PEX19: variants seen among roughly 807,000 people sequenced by gnomAD.
PEX19 encodes the protein 33 kDa housekeeping protein.
PEX19 carries 29 observed loss-of-function variants against 36.3 expected under a neutral mutation model. The ratio of observed to expected loss-of-function variants is 0.80; its 90% confidence interval spans 0.60 to 1.09. PEX19 has a LOEUF of 1.09. Among genes scored for constraint, PEX19 ranks in the 50% least tolerant of loss-of-function variants. The pLI is 0.00. For missense variants in PEX19, 396 were observed against 368.1 expected (o/e 1.08, Z -0.62); for synonymous variants, 141 against 135.2 (o/e 1.04, Z -0.30).
chr1:160,281,891 C>T (rs1657784139), intron 5 of PEX19, 148 bp downstream of exon 5: 1 of 715,286 alleles, frequency 1.4e-6, no homozygotes, highest in Non-Finnish European at 2.5e-6. Flanking sequence ...TCTCCCCAAC[C>T]CCCAACTCTC....
chr1:160,279,759 TG>T (rs759915809), intron 7 of PEX19, 41 bp downstream of exon 7: 2 of 1,588,070 alleles, frequency 1.3e-6, no homozygotes, highest in African/African-American at 2.7e-5. Flanking sequence ...TTCTGGAAAT[TG>T]GGGACTCAAA....
At chr1:160,282,867 T>C in intron 3 of PEX19, 77 bp downstream of exon 3, 1 of 1,484,958 alleles carries the variant, frequency 6.7e-7, no homozygotes, top group Non-Finnish European at 9.4e-7. Flanking sequence ...TCAACTTCAC[T>C]AAGAATTCTG....
intron 6 of PEX19, 24 bp from the exon 7 acceptor site, chr1:160,279,869 A>G (rs142124397): frequency 1.2e-6 from 2 of 1,602,110 alleles, no homozygotes; most frequent in African/African-American, 2.7e-5. Flanking sequence ...AAAATGGAAC[A>G]TGAAATAGAG....
chr1:160,283,075 T>C lies in PEX19; in HGVS notation c.215A>G (p.Gln72Arg), dbSNP rs543271441. ...AGCCAGTTCACTGTCGAATAGTTCC[T>C]GGAAAAACTTCTCTTGGGAAGCGAA... Reference protein sequence around the residue: ...ALFASQEKFFQELFDSELASQ... With the variant: ...ALFASQEKFFRELFDSELASQ... The change falls in exon 3 of 8, where the codon CAG (glutamine) becomes CGG (arginine). Residue 72 changes from glutamine (Q) to arginine (R), a missense_variant. By Grantham distance (43) the Gln-to-Arg change is conservative (BLOSUM62 1). Coordinates refer to ENST00000368072, the MANE Select transcript of PEX19 (RefSeq NM_002857.4). 114 of 1,614,032 alleles carry C rather than the reference T, an allele frequency of 7.1e-5. No individual in the cohort carries two copies. The South Asian group carries it at 8.7e-4, about 12-fold the overall frequency.
At chr1:160,281,962 C>G in intron 5 of PEX19, 77 bp downstream of exon 5, 2 of 1,257,882 alleles carry the variant, frequency 1.6e-6, no homozygotes, top group South Asian at 2.4e-5. Context: ...TCTGCAGGCT[C>G]TGAGTAGACA....
chr1:160,280,514 GT>G lies in PEX19; in HGVS notation c.595-269del, dbSNP rs374466910. 1.5e-4 allele frequency among the ~76,000 whole-genome samples: 22 copies of G among 148,428 alleles called. No homozygotes were observed. In the South Asian group the frequency reaches 3.2e-3, roughly 22 times the overall value. On this transcript the variant is annotated intron_variant, in intron 5 of 7. Coordinates refer to ENST00000368072, the MANE Select transcript of PEX19 (RefSeq NM_002857.4). Reference sequence around the variant, plus strand: ...AAGGGCCACATATGGTCTCTATTGTGTTTTTTTTTTCTTTTTTTTCGAGACA... The same window carrying G: ...AAGGGCCACATATGGTCTCTATTGTGTTTTTTTTTCTTTTTTTTCGAGACA...
At position 160,277,611 on chromosome 1, in the gene PEX19, T is replaced by TA. The variant is rs1332748647; in HGVS notation, c.*1939dup. 1 of 454,190 alleles carries TA rather than the reference T, an allele frequency of 2.2e-6. No individual in the cohort carries two copies. Among genetic ancestry groups the TA allele is most frequent in the Non-Finnish European group, 4.4e-6 (1 of 226,842 alleles). The allele number at this position is 454,190 out of a possible 1,614,324, so 28.1% of individuals were successfully genotyped here. ...AAAATGAGTGCCTTGGGAACAAAGATAAAGTGGACTAGGGCATCTATTTAG... is the reference window on the plus strand; with the variant it reads ...AAAATGAGTGCCTTGGGAACAAAGATAAAAGTGGACTAGGGCATCTATTTAG... On this transcript the variant is annotated 3_prime_UTR_variant, in exon 8 of 8. Transcript: ENST00000368072.
chr1:160,281,947 C>T lies in PEX19; in HGVS notation c.594+92G>A. 3.7e-6 allele frequency: 4 copies of T among 1,091,810 alleles called. No homozygotes were observed. The East Asian group carries it at 7.4e-5, about 20-fold the overall frequency. The allele number at this position is 1,091,810 out of a possible 1,614,324, so 67.6% of individuals were successfully genotyped here. A position where few individuals can be genotyped will look rare whatever the true frequency, so the allele number is the denominator to read the frequency against. On this transcript the variant is annotated intron_variant, in intron 5 of 7. Coordinates refer to ENST00000368072, the MANE Select transcript of PEX19 (RefSeq NM_002857.4). ...AAGGAAAAAAAGCACACTCGAGTTA[C>T]TCTTTCTGCAGGCTCTGAGTAGACA...
rs1206616169 is a variant in PEX19 at position 160,277,900 on chromosome 1, T to C, written c.*1651A>G. 3 of 676,294 alleles carry C rather than the reference T, an allele frequency of 4.4e-6. No individual in the cohort carries two copies. Among genetic ancestry groups the C allele is most frequent in the Admixed American group, 4.1e-5 (2 of 49,296 alleles). The allele number at this position is 676,294 out of a possible 1,614,324, so 41.9% of individuals were successfully genotyped here. A position where few individuals can be genotyped will look rare whatever the true frequency, so the allele number is the denominator to read the frequency against. On this transcript the variant is annotated 3_prime_UTR_variant, in exon 8 of 8. Transcript: ENST00000368072. ...TTCAGATCTGGGCTCTTCCATGCTC[T>C]GGTAAGGTATAGGAGTTGGAATTTC... is the stretch of plus-strand genomic sequence containing the variant.
At position 160,279,608 on chromosome 1, in the gene PEX19, A is replaced by T; in HGVS notation, c.843T>A (p.Asp281Glu). The change falls in exon 8 of 8, where the codon GAT (aspartate) becomes GAA (glutamate). Residue 281 changes from aspartate (D) to glutamate (E), a missense_variant. Physicochemically the swap from Asp to Glu is conservative, Grantham distance 45. Coordinates refer to ENST00000368072, the MANE Select transcript of PEX19 (RefSeq NM_002857.4). ...CTGGTGGGCCCGAAAGATTGAGGGC[A>T]TCCAGGTCAAAGTTGAGGCCAGGAG... ...EMPPGLNFDL[D>E]ALNLSGPPGA... is the part of the protein sequence containing the mutation. The T allele has an allele frequency of 1.2e-6, 2 of 1,614,198 alleles. No individual in the cohort carries two copies. The highest frequency in any genetic ancestry group is 1.7e-6 in the Non-Finnish European group (2 of 1,179,996).
chr1:160,283,230 G>A (rs968707629), intron 2 of PEX19, 121 bp from the exon 3 acceptor site: 1 of 1,092,872 alleles, frequency 9.2e-7, no homozygotes, highest in African/African-American at 1.5e-5. Context: ...AATTCCACTG[G>A]ACATTCTAAC....
rs952114248 is a variant in PEX19 at position 160,279,968 on chromosome 1, C to T, written c.771+102G>A. On this transcript the variant is annotated intron_variant, in intron 6 of 7. Transcript: ENST00000368072. ...CTGAGAGAGATCACAAGAGAGGATCCCTCCTCCACCTAGGTCTAGCAGTAT... is the reference window on the plus strand; with the variant it reads ...CTGAGAGAGATCACAAGAGAGGATCTCTCCTCCACCTAGGTCTAGCAGTAT... The T allele has an allele frequency of 1.6e-5, 22 of 1,359,028 alleles. No individual in the cohort carries two copies. In the African/African-American group the frequency reaches 2.4e-4, roughly 15 times the overall value. 84.2% of individuals were successfully genotyped at this position (1,359,028 alleles called of 1,614,324 possible).
In PEX19 at chr1:160,278,360, T is replaced by A. The variant is rs1363911044; in HGVS notation, c.*1191A>T. ...CTCCTTTGCCAACTGAGGTGCAGAC[T>A]GAGTTGTGGAAGGTGGGTGTTGATG... On this transcript the variant is annotated 3_prime_UTR_variant, in exon 8 of 8. Transcript: ENST00000368072. 2 of 685,172 alleles carry A rather than the reference T, an allele frequency of 2.9e-6. No individual in the cohort carries two copies. Among genetic ancestry groups the A allele is most frequent in the Non-Finnish European group, 5.3e-6 (2 of 376,042 alleles). The allele number at this position is 685,172 out of a possible 1,614,324, so 42.4% of individuals were successfully genotyped here.
chr1:160,279,955 A>T, intron 6 of PEX19, 110 bp from the exon 7 acceptor site: 1 of 1,359,022 alleles, frequency 7.4e-7, no homozygotes, highest in Non-Finnish European at 1.1e-6. Flanking sequence ...GAGAGAGATC[A>T]CAAGAGAGGA....
Position 160,283,572 on chromosome 1 carries a change from A to C in PEX19, c.138T>G (p.Asp46Glu), listed in dbSNP as rs1482714138. The change falls in exon 2 of 8, where the codon GAT (aspartate) becomes GAG (glutamate). Residue 46 changes from aspartate to glutamate, a missense_variant. By Grantham distance (45) the Asp-to-Glu change is conservative (BLOSUM62 2). Coordinates refer to ENST00000368072, the MANE Select transcript of PEX19 (RefSeq NM_002857.4). ...GCGATCTCTTCTGGGGCCCCGAAGCATCAGGGGCCGTGGTGGTAGAAGGGG... is the reference window on the plus strand; with the variant it reads ...GCGATCTCTTCTGGGGCCCCGAAGCCTCAGGGGCCGTGGTGGTAGAAGGGG... Reference protein sequence around the residue: ...PAPPSTTTAPDASGPQKRSPG... With the variant: ...PAPPSTTTAPEASGPQKRSPG... 16 of 1,614,028 alleles carry C rather than the reference A, an allele frequency of 9.9e-6. No homozygotes were observed. Among genetic ancestry groups the C allele is most frequent in the Non-Finnish European group, 1.4e-5 (16 of 1,179,896 alleles).
At chr1:160,279,987 G>A in intron 6 of PEX19, 83 bp downstream of exon 6, 1 of 1,422,812 alleles carries the variant, frequency 7.0e-7, no homozygotes, top group Non-Finnish European at 9.9e-7. Context: ...CCTAGGTCTA[G>A]CAGTATTGCA....
At chr1:160,284,536 T>C (rs1464452681) in intron 1 of PEX19, among the ~76,000 whole-genome samples, 1 of 152,086 alleles carries the variant, frequency 6.6e-6, no homozygotes, top group East Asian at 1.9e-4. Flanking sequence ...AGGAGTCCGC[T>C]TGAGCTACTG....
At chr1:160,279,977 C>T (rs151133252) in intron 6 of PEX19, 93 bp downstream of exon 6, 3 of 1,399,696 alleles carry the variant, frequency 2.1e-6, no homozygotes, top group Non-Finnish European at 2.0e-6. Flanking sequence ...CCCTCCTCCA[C>T]CTAGGTCTAG....
At chr1:160,282,550 GC>G in intron 3 of PEX19, 48 bp from the exon 4 acceptor site, 1 of 1,418,104 alleles carries the variant, frequency 7.1e-7, no homozygotes, top group South Asian at 1.2e-5. Flanking sequence ...TTGTTTCCTT[GC>G]CTAGACTGAA....
Sources: allele counts gnomAD v4.1 joint callset (sites outside exome capture counted in the v4.1 genomes callset), GRCh38; gene constraint gnomAD v4.1.1; transcripts MANE v1.5; gene names NCBI Gene and HGNC (gene_info 2026-07-23, HGNC 2026-07-21).